Variants in RNF212B observed in about 807,000 individuals in gnomAD.
RNF212B encodes E3 ubiquitin-protein ligase RNF212B.
Under a neutral mutation model 55.5 loss-of-function variants are expected in RNF212B, and 52 were observed. The observed-to-expected ratio is 0.94, with a 90% confidence interval of 0.75 to 1.18. The LOEUF is 1.18. Ranked by LOEUF, RNF212B falls within the 50% of genes most tolerant of loss-of-function variation. The pLI, the probability that RNF212B is intolerant of heterozygous loss-of-function variation, is 0.00. For synonymous variants in RNF212B, 99 were observed against 121.4 expected (o/e 0.82, Z 1.21); for missense variants, 289 against 350.4 (o/e 0.82, Z 1.40).
chr14:23,211,675 A>G (rs1880533527), intron 2 of RNF212B, among the ~76,000 whole-genome samples: 1 of 152,260 alleles, frequency 6.6e-6, no homozygotes. Context: ...TTGATTTAAC[A>G]TTCAAAAACA....
At chr14:23,236,415 T>C (rs1259963393), upstream of RNF212B, among the ~76,000 whole-genome samples, 1 of 152,004 alleles carries the variant, frequency 6.6e-6, no homozygotes, top group Non-Finnish European at 1.5e-5. Context: ...CTCAGGAGGC[T>C]GAGGCAGGAG....
At chr14:23,270,011 A>G (rs1175238676) in intron 13 of RNF212B, 51 bp downstream of exon 13, 3 of 980,520 alleles carry the variant, frequency 3.1e-6, no homozygotes, top group African/African-American at 3.2e-5. Context: ...ATAGACACAT[A>G]TACTAAAATG....
chr14:23,227,084 T>G (rs527865619), intron 2 of RNF212B, among the ~76,000 whole-genome samples: 2 of 152,044 alleles, frequency 1.3e-5, no homozygotes, highest in Admixed American at 6.6e-5. Context: ...CAATGTCAAT[T>G]TATTGGTTTT....
intron 12 of RNF212B, 22 bp from the exon 13 acceptor site, chr14:23,269,841 T>C (rs1221519926): frequency 1.5e-6 from 2 of 1,316,234 alleles, no homozygotes; most frequent in South Asian, 1.3e-5. Context: ...TCTCTGCTGA[T>C]GCTTTTATTT....
chr14:23,271,652 T>C (rs1403507067), intron 14 of RNF212B, among the ~76,000 whole-genome samples: 1 of 152,024 alleles, frequency 6.6e-6, no homozygotes, highest in Non-Finnish European at 1.5e-5. Flanking sequence ...AGTAAGAAAT[T>C]AGGGTCTAAG....
intron 5 of RNF212B, among the ~76,000 whole-genome samples, chr14:23,259,010 T>G (rs1885075848): frequency 6.6e-6 from 1 of 151,264 alleles, no homozygotes; most frequent in Non-Finnish European, 1.5e-5. Flanking sequence ...AGCGAGACTC[T>G]GTTTCTAAAA....
At chr14:23,194,993 A>T (rs12892307) in intron 2 of RNF212B, among the ~76,000 whole-genome samples, 1 of 151,686 alleles carries the variant, frequency 6.6e-6, no homozygotes, top group Non-Finnish European at 1.5e-5. Context: ...TTCTTGGGTC[A>T]CAATGAAATT....
chr14:23,266,410 T>TTG (rs1651772733), intron 11 of RNF212B, among the ~76,000 whole-genome samples: 1 of 123,718 alleles, frequency 8.1e-6, no homozygotes, highest in South Asian at 2.8e-4. Context: ...AAATGTTTTT[T>TTG]TTTTTTTTTT....
At chr14:23,203,482 C>CTTTTTTTTTT (rs35208170) in intron 2 of RNF212B, among the ~76,000 whole-genome samples, 2 of 124,610 alleles carry the variant, frequency 1.6e-5, no homozygotes. Context: ...TTTAGTCCCC[C>CTTTTTTTTTT]TTTTTTTTTT....
chr14:23,236,591 TTTA>T, upstream of RNF212B, among the ~76,000 whole-genome samples: 1 of 152,264 alleles, frequency 6.6e-6, no homozygotes, highest in South Asian at 2.1e-4. Flanking sequence ...TTTAATGGGG[TTTA>T]TTATTGTTTT....
chr14:23,186,674 A>G (rs1252765657), intron 1 of RNF212B, among the ~76,000 whole-genome samples: 1 of 152,162 alleles, frequency 6.6e-6, no homozygotes, highest in African/African-American at 2.4e-5. Flanking sequence ...ACGTTTAAAT[A>G]GTGCTTTATA....
intron 11 of RNF212B, 125 bp from the exon 12 acceptor site, chr14:23,268,799 C>A: frequency 1.4e-6 from 1 of 718,904 alleles, no homozygotes; most frequent in Non-Finnish European, 2.4e-6. Context: ...TTGGCATTAG[C>A]CCCCAACCCT....
intron 2 of RNF212B, among the ~76,000 whole-genome samples, chr14:23,224,787 A>G (rs183702435): frequency 6.6e-6 from 1 of 152,350 alleles, no homozygotes; most frequent in East Asian, 1.9e-4. Flanking sequence ...TCTGCACAGC[A>G]AAGGAAACAA....
chr14:23,209,010 G>A (rs1415932661), intron 2 of RNF212B, among the ~76,000 whole-genome samples: 2 of 152,038 alleles, frequency 1.3e-5, no homozygotes, highest in African/African-American at 2.4e-5. Flanking sequence ...CGCCCGCCTT[G>A]GCCTCCCAGA....
intron 2 of RNF212B, among the ~76,000 whole-genome samples, chr14:23,209,798 A>C (rs1353945968): frequency 3.3e-5 from 5 of 152,148 alleles, no homozygotes. Context: ...AGATATATGG[A>C]TATCATGTAC....
At chr14:23,197,066 A>T (rs1036157169) in intron 2 of RNF212B, among the ~76,000 whole-genome samples, 1 of 152,214 alleles carries the variant, frequency 6.6e-6, no homozygotes, top group Non-Finnish European at 1.5e-5. Flanking sequence ...TACCCAATTT[A>T]AAATTGCTGA....
intron 2 of RNF212B, among the ~76,000 whole-genome samples, chr14:23,196,366 C>A (rs148321171): frequency 6.6e-6 from 1 of 152,284 alleles, no homozygotes; most frequent in Non-Finnish European, 1.5e-5. Flanking sequence ...CACTCTGCGT[C>A]ACCACTGCTC....
rs571982316 is a variant in RNF212B, at chr14:23,223,792, G to T, written c.-1-16553G>T. Among the ~76,000 whole-genome samples the T allele has an allele frequency of 2.0e-5, 3 of 152,168 alleles. No individual in the cohort carries two copies. The East Asian group carries it at 5.8e-4, about 29-fold the overall frequency. ...GGGCATCCAAATTGGAAAGGAAAAGGTCAAATTATCCTTGTTTGCAGTTGT... is the reference window on the plus strand; with the variant it reads ...GGGCATCCAAATTGGAAAGGAAAAGTTCAAATTATCCTTGTTTGCAGTTGT... On this transcript the variant is annotated intron_variant, in intron 2 of 15. Transcript: ENST00000399910.
chr14:23,187,250 A>G (rs1877687360), intron 1 of RNF212B, among the ~76,000 whole-genome samples: 1 of 152,180 alleles, frequency 6.6e-6, no homozygotes, highest in African/African-American at 2.4e-5. Flanking sequence ...CGTAGCTGAC[A>G]CCTACTGGAC....
Sources: allele counts gnomAD v4.1 joint callset (sites outside exome capture counted in the v4.1 genomes callset), GRCh38; gene constraint gnomAD v4.1.1; transcripts MANE v1.5; gene names NCBI Gene and HGNC (gene_info 2026-07-23, HGNC 2026-07-21).